The following ABRACL variants were observed in gnomAD, a reference collection of about 807,000 sequenced individuals.
ABRACL encodes the protein costars family protein ABRACL.
A neutral mutation model predicts 7.0 loss-of-function variants in ABRACL; 4 were observed. The observed-to-expected ratio is 0.57, with a 90% CI of 0.28 to 1.30. The LOEUF (loss-of-function observed/expected upper bound fraction) is 1.30. Ranked by LOEUF, ABRACL falls within the 50% of genes most tolerant of loss-of-function variation. ABRACL has a pLI of 0.10. For synonymous variants in ABRACL, 30 were observed against 36.0 expected (o/e 0.83, Z 0.60); for missense variants, 104 against 97.3 (o/e 1.07, Z -0.29).
chr6:139,029,150 G>C (rs1389573175), intron 1 of ABRACL, among the ~76,000 whole-genome samples: 1 of 152,160 alleles, frequency 6.6e-6, no homozygotes, highest in African/African-American at 2.4e-5. Flanking sequence ...GAAGCCGGCA[G>C]AAATGGAACG....
chr6:139,029,696 G>C (rs992374736), intron 1 of ABRACL, among the ~76,000 whole-genome samples: 1 of 152,052 alleles, frequency 6.6e-6, no homozygotes, highest in African/African-American at 2.4e-5. Flanking sequence ...GAGTGAGCGC[G>C]CCCCAGACCG....
Position 139,042,881 on chromosome 6 carries a change from A to T in ABRACL, c.224A>T (p.Asp75Val). 1 of 1,610,672 alleles carries T rather than the reference A, an allele frequency of 6.2e-7. No homozygotes were observed. The change falls in exon 3 of 3, where the codon GAC (aspartate) becomes GTC (valine). Residue 75 changes from aspartate to valine, a missense_variant. Asp to Val is a radical substitution (Grantham distance 152, BLOSUM62 -3). Coordinates refer to ENST00000367660, the MANE Select transcript of ABRACL (RefSeq NM_021243.3). Reference protein sequence around the residue: ...LLLQGVHDDVDIILLQD With the variant: ...LLLQGVHDDVVIILLQD ...CTGCAAGGTGTTCATGATGATGTTG[A>T]CATTATATTACTGCAAGATTAATGT...
intron 1 of ABRACL, among the ~76,000 whole-genome samples, chr6:139,030,364 C>T (rs1224370507): frequency 6.6e-6 from 1 of 152,158 alleles, no homozygotes; most frequent in African/African-American, 2.4e-5. Flanking sequence ...CTGATCAATG[C>T]AACACCAGGT....
At chr6:139,034,323 G>A (rs2114303345) in intron 2 of ABRACL, 102 bp downstream of exon 2, 2 of 1,604,386 alleles carry the variant, frequency 1.2e-6, no homozygotes, top group East Asian at 4.5e-5. Context: ...CAGGGCTTCA[G>A]GACACAGGTC....
rs754412867 is a variant in ABRACL, at chr6:139,042,849, G to T, written c.192G>T (p.Glu64Asp). 16 of 1,613,628 alleles carry T rather than the reference G, an allele frequency of 9.9e-6. No homozygotes were observed. The highest frequency in any genetic ancestry group is 9.3e-6 in the Non-Finnish European group (11 of 1,179,882). ...KRRKIVTYPG[E>D]LLLQGVHDDV... ...GGAAGATTGTAACATATCCAGGAGA[G>T]CTGCTTCTGCAAGGTGTTCATGATG... is the stretch of plus-strand genomic sequence containing the variant. The change falls in exon 3 of 3, where the codon GAG (glutamate) becomes GAT (aspartate). Residue 64 changes from glutamate to aspartate, a missense_variant. Physicochemically the swap from Glu to Asp is conservative, Grantham distance 45 (BLOSUM62 2). Coordinates refer to ENST00000367660, the MANE Select transcript of ABRACL (RefSeq NM_021243.3).
chr6:139,034,618 T>A, intron 2 of ABRACL: 1 of 436,920 alleles, frequency 2.3e-6, no homozygotes, highest in South Asian at 5.3e-5. Context: ...TCATCTTATC[T>A]AAAATATCAT....
intron 2 of ABRACL, among the ~76,000 whole-genome samples, chr6:139,041,593 T>C (rs1159731160): frequency 6.7e-6 from 1 of 149,588 alleles, no homozygotes; most frequent in Non-Finnish European, 1.5e-5. Context: ...ACTTCTGGGC[T>C]CAAGGTATCC....
intron 1 of ABRACL, among the ~76,000 whole-genome samples, chr6:139,030,329 A>G (rs1321455074): frequency 6.6e-6 from 1 of 152,162 alleles, no homozygotes; most frequent in Non-Finnish European, 1.5e-5. Flanking sequence ...TGTACAATCC[A>G]TTAATGTGAA....
intron 2 of ABRACL, among the ~76,000 whole-genome samples, chr6:139,041,425 A>ATCTCTCTCTC (rs72110050): frequency 0.021 from 2,481 of 117,052 alleles, 42 homozygotes; most frequent in African/African-American, 0.034. Context: ...CACCAGACCC[A>ATCTCTCTCTC]TCTCTCTCTC....
At chr6:139,040,225 A>G (rs1317087801) in intron 2 of ABRACL, among the ~76,000 whole-genome samples, 1 of 152,202 alleles carries the variant, frequency 6.6e-6, no homozygotes, top group East Asian at 1.9e-4. Context: ...AATGCAGAAA[A>G]GGAGGCTGGT....
chr6:139,035,500 C>T (rs956091680), intron 2 of ABRACL, among the ~76,000 whole-genome samples: 8 of 137,628 alleles, frequency 5.8e-5, no homozygotes, highest in South Asian at 2.5e-4. Context: ...TTTTTTTTTT[C>T]GAGAGAGAAT....
intron 2 of ABRACL, 81 bp from the exon 3 acceptor site, chr6:139,042,638 A>G: frequency 3.0e-6 from 4 of 1,344,406 alleles, no homozygotes; most frequent in Non-Finnish European, 4.1e-6. Context: ...TTATAAATTT[A>G]TTAAAGATTT....
chr6:139,033,197 A>G (rs1418680110), intron 1 of ABRACL, among the ~76,000 whole-genome samples: 1 of 152,242 alleles, frequency 6.6e-6, no homozygotes, highest in Non-Finnish European at 1.5e-5. Flanking sequence ...AAAAAGTCCC[A>G]CATGGCTACA....
intron 1 of ABRACL, among the ~76,000 whole-genome samples, chr6:139,030,456 C>T (rs1328135596): frequency 2.6e-5 from 4 of 152,180 alleles, no homozygotes; most frequent in Non-Finnish European, 5.9e-5. Context: ...TCTCTGCAGT[C>T]CTGGGATTCT....
chr6:139,041,694 C>T (rs1389841637), intron 2 of ABRACL, among the ~76,000 whole-genome samples: 1 of 151,704 alleles, frequency 6.6e-6, no homozygotes, highest in Non-Finnish European at 1.5e-5. Context: ...ATTTGGCATC[C>T]AATCACATAC....
At position 139,043,011 on chromosome 6, in the gene ABRACL, T is replaced by C; in HGVS notation, c.*108T>C. On this transcript the variant is annotated 3_prime_UTR_variant, in exon 3 of 3. Coordinates refer to ENST00000367660, the MANE Select transcript of ABRACL (RefSeq NM_021243.3). ...TACTTAATGTATTTTTATAGAACTTTGTAAACGAAAGGAGATTCATGTTTT... is the reference window on the plus strand; with the variant it reads ...TACTTAATGTATTTTTATAGAACTTCGTAAACGAAAGGAGATTCATGTTTT... 3.1e-6 allele frequency: 3 copies of C among 971,308 alleles called. No individual in the cohort carries two copies. The highest frequency in any genetic ancestry group is 2.5e-5 in the South Asian group (1 of 40,420). The allele number at this position is 971,308 out of a possible 1,614,324, so 60.2% of individuals were successfully genotyped here.
In ABRACL at chr6:139,037,027, C is replaced by T. The variant is rs528782888; in HGVS notation, c.61+2806C>T. On this transcript the variant is annotated intron_variant, in intron 2 of 2. Transcript: ENST00000367660. Reference sequence around the variant, plus strand: ...ATAAAAAACTCATGAGGCAATTATCCGAAAAAAAAAATGGTATGCTGAACT... The same window carrying T: ...ATAAAAAACTCATGAGGCAATTATCTGAAAAAAAAAATGGTATGCTGAACT... 5.7e-5 allele frequency among the ~76,000 whole-genome samples: 6 copies of T among 105,576 alleles called. No homozygotes were observed. The East Asian group carries it at 7.9e-4, about 14-fold the overall frequency. 69.3% of individuals were successfully genotyped at this position (105,576 alleles called of 152,430 possible).
chr6:139,033,593 A>G lies in ABRACL; in HGVS notation c.-6-562A>G, dbSNP rs185337801. ...CTTTGTTGCCTTGCTTTGTGTATGC[A>G]CTTCCTCCTGTGTAGAGTGCCCTAC... On this transcript the variant is annotated intron_variant, in intron 1 of 2. Coordinates refer to ENST00000367660, the MANE Select transcript of ABRACL (RefSeq NM_021243.3). Among the ~76,000 whole-genome samples the G allele has an allele frequency of 2.6e-3, 392 of 152,140 alleles. 3 individuals are homozygous for G. Among genetic ancestry groups the G allele is most frequent in the Non-Finnish European group, 2.1e-3 (146 of 68,020 alleles).
chr6:139,041,451 C>CTCTATATATATA (rs140091253), intron 2 of ABRACL, among the ~76,000 whole-genome samples: 106 of 110,034 alleles, frequency 9.6e-4, no homozygotes, highest in South Asian at 5.2e-3. Flanking sequence ...CTCTCTCTCT[C>CTCTATATATATA]TATATATATA....
Sources: gnomAD v4.1 joint callset for allele counts (sites outside exome capture counted in the v4.1 genomes callset) on GRCh38, gnomAD v4.1.1 for gene constraint, MANE v1.5 for transcripts, NCBI Gene and HGNC (gene_info 2026-07-23, HGNC 2026-07-21) for gene names.